The following PDPR variants were observed in gnomAD, a reference collection of about 807,000 sequenced individuals.
PDPR encodes the protein pyruvate dehydrogenase phosphatase regulatory subunit.
A neutral mutation model predicts 102.2 loss-of-function variants in PDPR; 50 were observed. The observed-to-expected ratio is 0.49, with a 90% CI of 0.39 to 0.62. The LOEUF is 0.62. Ranked by LOEUF, PDPR falls within the 20% of genes least tolerant of loss-of-function variation. The probability of loss-of-function intolerance (pLI) is 0.00; values close to 1 mark genes in which losing one functional copy is unlikely to be tolerated. For missense variants in PDPR, 625 were observed against 1,098.2 expected, an observed-to-expected ratio of 0.57 and a Z score of 6.09; for synonymous variants, 259 against 406.0, an observed-to-expected ratio of 0.64 and a Z score of 4.35.
At chr16:70,145,039 G>C (rs566859512) in intron 15 of PDPR, among the ~76,000 whole-genome samples, 2 of 152,314 alleles carry the variant, frequency 1.3e-5, no homozygotes, top group East Asian at 3.9e-4. Context: ...CGGATCATGA[G>C]GTCAGGAATT....
rs996325084 is a variant in PDPR at position 70,120,380 on chromosome 16, T to C, written c.-32-81T>C. ...CAAATATTTGCTGAATGAATGGCTATCGTTCTTTGTCAAATCCCTTTCTCA... is the reference window on the plus strand; with the variant it reads ...CAAATATTTGCTGAATGAATGGCTACCGTTCTTTGTCAAATCCCTTTCTCA... On this transcript the variant is annotated intron_variant, in intron 2 of 18. Transcript: ENST00000288050. 46 of 748,058 alleles carry C rather than the reference T, an allele frequency of 6.1e-5. No homozygotes were observed. The African/African-American group carries it at 7.7e-4, about 12-fold the overall frequency. The allele number at this position is 748,058 out of a possible 1,614,324, so 46.3% of individuals were successfully genotyped here. A position where few individuals can be genotyped will look rare whatever the true frequency, so the allele number is the denominator to read the frequency against.
chr16:70,119,161 T>G (rs1466684932), intron 2 of PDPR, among the ~76,000 whole-genome samples: 3 of 152,088 alleles, frequency 2.0e-5, no homozygotes, highest in Admixed American at 6.6e-5. Context: ...TAGATTAAGT[T>G]TGTTAAAACC....
At chr16:70,119,893 CTTTT>C (rs1567516793) in intron 2 of PDPR, among the ~76,000 whole-genome samples, 3 of 28,402 alleles carry the variant, frequency 1.1e-4, no homozygotes, top group Non-Finnish European at 3.4e-4. Context: ...TCAAATATTT[CTTTT>C]TTTGTTTTTT....
intron 18 of PDPR, among the ~76,000 whole-genome samples, chr16:70,154,883 CCCT>C (rs1390606480): frequency 6.6e-6 from 1 of 152,244 alleles, no homozygotes; most frequent in African/African-American, 2.4e-5. Context: ...AGGTGATCCG[CCCT>C]CCTCGGCCTC....
In PDPR at chr16:70,159,721, T is replaced by C. The variant is rs111261275; in HGVS notation, c.*2842T>C. 1 of 152,786 alleles carries C rather than the reference T, an allele frequency of 6.5e-6. No individual in the cohort carries two copies. The highest frequency in any genetic ancestry group is 2.4e-5 in the African/African-American group (1 of 41,484). 9.5% of individuals were successfully genotyped at this position (152,786 alleles called of 1,614,324 possible). A position where few individuals can be genotyped will look rare whatever the true frequency, so the allele number is the denominator to read the frequency against. ...TAACTTCCTGACCACCGGTGTCAGA[T>C]ATCAGAGCATTCTGGACTCCTGAGA... On this transcript the variant is annotated 3_prime_UTR_variant, in exon 19 of 19. Coordinates refer to ENST00000288050, the MANE Select transcript of PDPR (RefSeq NM_017990.5).
chr16:70,114,257 G>A (rs1453784798), upstream of PDPR: 1 of 152,218 alleles, frequency 6.6e-6, no homozygotes, highest in Non-Finnish European at 1.5e-5. Context: ...CCCTTGCCCG[G>A]GGGCCGTAAA....
At chr16:70,121,452 G>A in intron 3 of PDPR, among the ~76,000 whole-genome samples, 1 of 151,606 alleles carries the variant, frequency 6.6e-6, no homozygotes, top group Non-Finnish European at 1.5e-5. Context: ...AGCACTCTGG[G>A]AGGCTGAGGT....
chr16:70,124,805 A>G (rs1963753109), intron 3 of PDPR, among the ~76,000 whole-genome samples: 1 of 152,244 alleles, frequency 6.6e-6, no homozygotes, highest in South Asian at 2.1e-4. Context: ...TATGTGGAAA[A>G]TATAATTATT....
chr16:70,145,781 G>A lies in PDPR; in HGVS notation c.1868-353G>A, dbSNP rs1173711308. ...TTAGGATATGTTTGAAGTGGATTTA[G>A]CTTCTCTGAATTTAAAGTCTGTATA... On this transcript the variant is annotated intron_variant, in intron 15 of 18. Coordinates refer to ENST00000288050, the MANE Select transcript of PDPR (RefSeq NM_017990.5). The A allele has an allele frequency of 6.3e-6, 3 of 472,924 alleles. No individual in the cohort carries two copies. In the Admixed American group the frequency reaches 7.8e-5, roughly 12 times the overall value. The allele number at this position is 472,924 out of a possible 1,614,324, so 29.3% of individuals were successfully genotyped here. A position where few individuals can be genotyped will look rare whatever the true frequency, so the allele number is the denominator to read the frequency against.
intron 3 of PDPR, among the ~76,000 whole-genome samples, chr16:70,121,233 G>C (rs1390550360): frequency 6.6e-6 from 1 of 151,920 alleles, no homozygotes; most frequent in Non-Finnish European, 1.5e-5. Flanking sequence ...TATAGGCTTA[G>C]TTTCTCTGTG....
In PDPR at chr16:70,156,672, C is replaced by A. The variant is rs201282007; in HGVS notation, c.2433C>A (p.His811Gln). Reference protein sequence around the residue: ...SSAYSYSLERHVCLGFVHNFS... With the variant: ...SSAYSYSLERQVCLGFVHNFS... ...CCTACAGCTACAGCCTGGAGCGCCA[C>A]GTTTGCCTGGGCTTTGTGCACAATT... is the stretch of plus-strand genomic sequence containing the variant. The change falls in exon 19 of 19, where the codon CAC becomes CAA. Residue 811 changes from histidine to glutamine, a missense_variant. By Grantham distance (24) the His-to-Gln change is conservative (BLOSUM62 0). Coordinates refer to ENST00000288050, the MANE Select transcript of PDPR (RefSeq NM_017990.5). The A allele has an allele frequency of 6.8e-6, 11 of 1,614,058 alleles. No homozygotes were observed. The South Asian group carries it at 1.2e-4, about 18-fold the overall frequency.
At chr16:70,130,149 C>T (rs1220142319) in intron 6 of PDPR, among the ~76,000 whole-genome samples, 5 of 152,236 alleles carry the variant, frequency 3.3e-5, no homozygotes, top group Admixed American at 6.5e-5. Context: ...TAAAATTAGC[C>T]GGGCATGGTG....
At chr16:70,150,142 C>A (rs1233671295) in intron 17 of PDPR, among the ~76,000 whole-genome samples, 2 of 141,644 alleles carry the variant, frequency 1.4e-5, no homozygotes, top group Non-Finnish European at 3.0e-5. Context: ...TCACACTTGT[C>A]CCCCAGGCTG....
intron 9 of PDPR, among the ~76,000 whole-genome samples, chr16:70,133,390 G>T (rs1373809476): frequency 6.6e-6 from 1 of 151,132 alleles, no homozygotes; most frequent in Non-Finnish European, 1.5e-5. Context: ...CCAAAGTGCT[G>T]GGATTACAGG....
Position 70,152,022 on chromosome 16 carries a change from G to A in PDPR, c.2053-1369G>A, listed in dbSNP as rs78261295. 1.2e-3 allele frequency among the ~76,000 whole-genome samples: 182 copies of A among 152,354 alleles called. No homozygotes were observed. In the East Asian group the frequency reaches 0.028, roughly 24 times the overall value. On this transcript the variant is annotated intron_variant, in intron 17 of 18. Coordinates refer to ENST00000288050, the MANE Select transcript of PDPR (RefSeq NM_017990.5). Reference sequence around the variant, plus strand: ...TCACCTGGTTACATCGTTCTTCCTTGGTCATCCTCTTACCTAAAGGACCGG... The same window carrying A: ...TCACCTGGTTACATCGTTCTTCCTTAGTCATCCTCTTACCTAAAGGACCGG...
intron 10 of PDPR, among the ~76,000 whole-genome samples, chr16:70,137,424 C>CA (rs1299830126): frequency 6.6e-6 from 1 of 152,230 alleles, no homozygotes; most frequent in East Asian, 1.9e-4. Flanking sequence ...CACAAAAGGA[C>CA]AAATACCGTG....
rs1218441974 is a variant in PDPR, at chr16:70,119,972, G to C, written c.-32-489G>C. Among the ~76,000 whole-genome samples the C allele has an allele frequency of 2.6e-5, 4 of 151,064 alleles. No individual in the cohort carries two copies. In the East Asian group the frequency reaches 7.8e-4, roughly 29 times the overall value. Reference sequence around the variant, plus strand: ...CGCTCTGTCGCCCAGGCTGGAGTGCGGTGGCGCGATCTCTGCTCGCTGCAG... The same window carrying C: ...CGCTCTGTCGCCCAGGCTGGAGTGCCGTGGCGCGATCTCTGCTCGCTGCAG... On this transcript the variant is annotated intron_variant, in intron 2 of 18. Transcript: ENST00000288050.
chr16:70,138,569 G>T (rs141418620), intron 10 of PDPR, among the ~76,000 whole-genome samples: 1 of 152,086 alleles, frequency 6.6e-6, no homozygotes, highest in Non-Finnish European at 1.5e-5. Flanking sequence ...GCCCAGGCTG[G>T]TCTCAAACTC....
chr16:70,132,916 A>G (rs374118907), intron 9 of PDPR, among the ~76,000 whole-genome samples: 49 of 152,250 alleles, frequency 3.2e-4, no homozygotes, highest in African/African-American at 1.1e-3. Context: ...GAGCTCAAGC[A>G]ATCCTGCCAC....
Sources: gnomAD v4.1 joint callset for allele counts (sites outside exome capture counted in the v4.1 genomes callset) on GRCh38, gnomAD v4.1.1 for gene constraint, MANE v1.5 for transcripts, NCBI Gene and HGNC (gene_info 2026-07-23, HGNC 2026-07-21) for gene names.